The following BRIP1 variants were observed in gnomAD, a reference collection of about 807,000 sequenced individuals.
BRIP1 encodes the protein BRCA1 interacting DNA helicase 1.
In BRIP1, 88 loss-of-function variants were observed where a neutral mutation model predicts 119.7. The observed-to-expected ratio is 0.74, with a 90% CI of 0.62 to 0.88. The LOEUF is 0.88. Ranked by LOEUF, BRIP1 falls within the 40% of genes least tolerant of loss-of-function variation. The probability of loss-of-function intolerance (pLI) is 0.00; values close to 1 mark genes in which losing one functional copy is unlikely to be tolerated. For synonymous variants in BRIP1, 443 were observed against 496.5 expected (o/e 0.89, Z 1.43); for missense variants, 1,259 against 1,455.4 (o/e 0.87, Z 2.20).
intron 4 of BRIP1, among the ~76,000 whole-genome samples, chr17:61,850,997 G>A (rs1257661031): frequency 6.6e-6 from 1 of 152,130 alleles, no homozygotes; most frequent in Non-Finnish European, 1.5e-5. Context: ...GGAGGCCGAG[G>A]CAGGTGGATC....
chr17:61,773,397 T>C (rs1348103648), intron 14 of BRIP1, among the ~76,000 whole-genome samples: 2 of 152,094 alleles, frequency 1.3e-5, no homozygotes, highest in Non-Finnish European at 2.9e-5. Context: ...TTACACCTTA[T>C]ACAAAAATTA....
chr17:61,856,378 C>T lies in BRIP1; in HGVS notation c.379+680G>A, dbSNP rs183323807. Among the ~76,000 whole-genome samples, 8 of 152,240 alleles carry T rather than the reference C, an allele frequency of 5.3e-5. No homozygotes were observed. Among genetic ancestry groups the T allele is most frequent in the Admixed American group, 4.6e-4 (7 of 15,282 alleles). On this transcript the variant is annotated intron_variant, in intron 4 of 19. Coordinates refer to ENST00000259008, the MANE Select transcript of BRIP1 (RefSeq NM_032043.3). This position sits in a 1 kb window ranked among gnomAD's most constrained non-coding sequence, Gnocchi z 5.1. ...TAGCATGAGTAAAAGCAGAAAAAAG[C>T]GTTATTGGATGCTCTAAACAAGAAA...
At chr17:61,787,790 GCC>G (rs2077755293) in intron 10 of BRIP1, among the ~76,000 whole-genome samples, 1 of 151,994 alleles carries the variant, frequency 6.6e-6, no homozygotes, top group South Asian at 2.1e-4. Context: ...GACTACAGGC[GCC>G]CGCCACCACG....
intron 10 of BRIP1, among the ~76,000 whole-genome samples, chr17:61,790,941 A>G (rs1427070120): frequency 2.0e-5 from 3 of 152,126 alleles, no homozygotes; most frequent in African/African-American, 7.2e-5. Context: ...TTACTGTTAT[A>G]TAAGTAGCTT....
In BRIP1 at chr17:61,857,768, A is replaced by G. The variant is rs577205954; in HGVS notation, c.206-537T>C. On this transcript the variant is annotated intron_variant, in intron 3 of 19. Transcript: ENST00000259008. This position sits in a 1 kb window ranked among gnomAD's most constrained non-coding sequence, Gnocchi z 5.1. ...TTTATAGGGAAATTATCACCCATTT[A>G]TGTAATCTGTAAAAATCTAATAATC... is the stretch of plus-strand genomic sequence containing the variant. Among the ~76,000 whole-genome samples, 1 of 152,274 alleles carries G rather than the reference A, an allele frequency of 6.6e-6. No homozygotes were observed. Among genetic ancestry groups the G allele is most frequent in the Non-Finnish European group, 1.5e-5 (1 of 68,024 alleles).
chr17:61,696,686 C>CA (rs1237775624), intron 17 of BRIP1, among the ~76,000 whole-genome samples: 955 of 57,052 alleles, frequency 0.017, 12 homozygotes, highest in African/African-American at 0.038. Flanking sequence ...CTTTGTCTCA[C>CA]AAAAAAAAAA....
intron 17 of BRIP1, among the ~76,000 whole-genome samples, chr17:61,694,969 TTG>T (rs1405494713): frequency 6.6e-6 from 1 of 151,500 alleles, no homozygotes; most frequent in African/African-American, 2.4e-5. Context: ...CATATGTGAG[TTG>T]TCTTTTCCAT....
At position 61,853,421 on chromosome 17, in the gene BRIP1, T is replaced by C. The variant is rs189438635; in HGVS notation, c.379+3637A>G. Among the ~76,000 whole-genome samples the C allele has an allele frequency of 3.9e-5, 6 of 152,174 alleles. No homozygotes were observed. The East Asian group carries it at 1.2e-3, about 29-fold the overall frequency. ...TTAATCTATGTAGTAGTTATGACAGTGAAAATTCATCAAGTTATATACTTA... is the reference window on the plus strand; with the variant it reads ...TTAATCTATGTAGTAGTTATGACAGCGAAAATTCATCAAGTTATATACTTA... On this transcript the variant is annotated intron_variant, in intron 4 of 19. Coordinates refer to ENST00000259008, the MANE Select transcript of BRIP1 (RefSeq NM_032043.3). The surrounding 1 kb of genome is among the most constrained non-coding windows in gnomAD (Gnocchi z 4.3).
rs2144356535 is a variant in BRIP1, at chr17:61,713,436, T to A, written c.2492+2515A>T. 6.6e-6 allele frequency among the ~76,000 whole-genome samples: 1 copy of A among 152,166 alleles called. No homozygotes were observed. The highest frequency in any genetic ancestry group is 1.5e-5 in the Non-Finnish European group (1 of 68,000). On this transcript the variant is annotated intron_variant, in intron 17 of 19. Transcript: ENST00000259008. The surrounding 1 kb of genome is among the most constrained non-coding windows in gnomAD (Gnocchi z 4.9). ...TTTATTGGTCCTGAAGACCTTCCAG[T>A]GATTCAAGACATGGAGGTAGAAGAC...
At position 61,708,947 on chromosome 17, in the gene BRIP1, C is replaced by T. The variant is rs1486155250; in HGVS notation, c.2492+7004G>A. ...TCTCACATTCAGTATGTAAAATCCC[C>T]GTATATAATATTAACCTCCATCTTT... is the stretch of plus-strand genomic sequence containing the variant. On this transcript the variant is annotated intron_variant, in intron 17 of 19. Coordinates refer to ENST00000259008, the MANE Select transcript of BRIP1 (RefSeq NM_032043.3). The surrounding 1 kb of genome is among the most constrained non-coding windows in gnomAD (Gnocchi z 4.4). Among the ~76,000 whole-genome samples the T allele has an allele frequency of 2.6e-5, 4 of 152,094 alleles. No individual in the cohort carries two copies. Among genetic ancestry groups the T allele is most frequent in the African/African-American group, 7.2e-5 (3 of 41,396 alleles).
chr17:61,794,880 A>T lies in BRIP1; in HGVS notation c.1341-1151T>A, dbSNP rs2077876523. On this transcript the variant is annotated intron_variant, in intron 9 of 19. Coordinates refer to ENST00000259008, the MANE Select transcript of BRIP1 (RefSeq NM_032043.3). The surrounding 1 kb of genome is among the most constrained non-coding windows in gnomAD (Gnocchi z 4.3). ...GTCATGGGAGAATCAGAAGAAAAGA[A>T]ATATCCAAGCAGAAGGAACAGCTAG... is the stretch of plus-strand genomic sequence containing the variant. 7.6e-6 allele frequency among the ~76,000 whole-genome samples: 1 copy of T among 132,030 alleles called. No individual in the cohort carries two copies. Among genetic ancestry groups the T allele is most frequent in the African/African-American group, 2.9e-5 (1 of 34,810 alleles). The allele number at this position is 132,030 out of a possible 152,430, so 86.6% of individuals were successfully genotyped here.
chr17:61,833,747 A>ACC (rs1449106288), intron 6 of BRIP1, among the ~76,000 whole-genome samples: 1 of 151,644 alleles, frequency 6.6e-6, no homozygotes, highest in East Asian at 1.9e-4. Context: ...CTATCATCCT[A>ACC]CCCCTAGGCA....
intron 16 of BRIP1, among the ~76,000 whole-genome samples, chr17:61,727,684 G>A (rs1000896973): frequency 2.0e-5 from 3 of 151,878 alleles, no homozygotes; most frequent in East Asian, 3.9e-4. Context: ...GATCATTTGA[G>A]CCCAGGAGTT....
chr17:61,788,378 A>C (rs1042796404), intron 10 of BRIP1, among the ~76,000 whole-genome samples: 1 of 152,186 alleles, frequency 6.6e-6, no homozygotes, highest in Non-Finnish European at 1.5e-5. Context: ...AAAACTTCAT[A>C]ATGTAAATGC....
rs2144110883 is a variant in BRIP1 at position 61,685,942 on chromosome 17, A to G, written c.2799T>C (p.Asn933=). 1 of 1,613,942 alleles carries G rather than the reference A, an allele frequency of 6.2e-7. No individual in the cohort carries two copies. Among genetic ancestry groups the G allele is most frequent in the East Asian group, 2.2e-5 (1 of 44,866 alleles). Residue 933 remains asparagine, a synonymous_variant, in exon 19 of 20, where the codon AAT becomes AAC. Coordinates refer to ENST00000259008, the MANE Select transcript of BRIP1 (RefSeq NM_032043.3). ...LEAASHLSPE[N]FVEDEAKICV... is the part of the protein sequence containing the mutation. Reference sequence around the variant, plus strand: ...ATATCTTTGCTTCATCTTCCACAAAATTTTCTGGTGATAGATGACTTGCTG... The same window carrying G: ...ATATCTTTGCTTCATCTTCCACAAAGTTTTCTGGTGATAGATGACTTGCTG...
At position 61,684,002 on chromosome 17, in the gene BRIP1, T is replaced by C. The variant is rs1006002613; in HGVS notation, c.3044A>G (p.Lys1015Arg). ...GAGCTCAGGTGTTGCCTTCGGTATT[T>C]TACCAGTAAAATACTGTCCCAAAGA... Reference protein sequence around the residue: ...FNSLGQYFTGKIPKATPELGS... With the variant: ...FNSLGQYFTGRIPKATPELGS... The change falls in exon 20 of 20, where the codon AAA becomes AGA. Residue 1015 changes from lysine to arginine, a missense_variant. By Grantham distance (26) the Lys-to-Arg change is conservative. Coordinates refer to ENST00000259008, the MANE Select transcript of BRIP1 (RefSeq NM_032043.3). This position sits in a 1 kb window ranked among gnomAD's most constrained non-coding sequence, Gnocchi z 4.5. 6.2e-7 allele frequency: 1 copy of C among 1,614,188 alleles called. No homozygotes were observed.
rs2078018432 is a variant in BRIP1 at position 61,803,007 on chromosome 17, A to G, written c.919-1533T>C. On this transcript the variant is annotated intron_variant, in intron 7 of 19. Coordinates refer to ENST00000259008, the MANE Select transcript of BRIP1 (RefSeq NM_032043.3). This position sits in a 1 kb window ranked among gnomAD's most constrained non-coding sequence, Gnocchi z 4.3. ...TTTATAGTTTCTAGCAAAGTTTAACATAGTGTTGTATGAATAGTCTAACAA... is the reference window on the plus strand; with the variant it reads ...TTTATAGTTTCTAGCAAAGTTTAACGTAGTGTTGTATGAATAGTCTAACAA... 6.6e-6 allele frequency among the ~76,000 whole-genome samples: 1 copy of G among 152,122 alleles called. No homozygotes were observed. Among genetic ancestry groups the G allele is most frequent in the African/African-American group, 2.4e-5 (1 of 41,440 alleles).
At chr17:61,692,459 T>C (rs554610071) in intron 18 of BRIP1, among the ~76,000 whole-genome samples, 9 of 151,826 alleles carry the variant, frequency 5.9e-5, no homozygotes, top group African/African-American at 1.4e-4. Flanking sequence ...TATATCTCAA[T>C]AGAAAAAACA....
Position 61,706,756 on chromosome 17 carries a change from A to G in BRIP1, c.2492+9195T>C, listed in dbSNP as rs756776065. Among the ~76,000 whole-genome samples, 4 of 152,216 alleles carry G rather than the reference A, an allele frequency of 2.6e-5. No homozygotes were observed. The highest frequency in any genetic ancestry group is 6.5e-5 in the Admixed American group (1 of 15,276). ...ACTATAATTAGATTTCCTTTATTGT[A>G]CAAGACTTTTTGCCTTCCCTGGAGT... On this transcript the variant is annotated intron_variant, in intron 17 of 19. Coordinates refer to ENST00000259008, the MANE Select transcript of BRIP1 (RefSeq NM_032043.3). This position sits in a 1 kb window ranked among gnomAD's most constrained non-coding sequence, Gnocchi z 5.7.
Sources: allele counts gnomAD v4.1 joint callset (sites outside exome capture counted in the v4.1 genomes callset), GRCh38; gene constraint gnomAD v4.1.1; non-coding constraint Gnocchi (gnomAD v3.1); transcripts MANE v1.5; gene names NCBI Gene and HGNC (gene_info 2026-07-23, HGNC 2026-07-21).